SYNPO: variants seen among roughly 807,000 people sequenced by gnomAD.
SYNPO encodes the protein synaptopodin.
In SYNPO, 19 loss-of-function variants were observed where a neutral mutation model predicts 49.5. That is an observed-to-expected ratio of 0.38 (90% CI 0.27 to 0.56). SYNPO has a LOEUF of 0.56. Ranked by LOEUF, SYNPO falls within the 20% of genes least tolerant of loss-of-function variation. SYNPO has a pLI of 0.68. For synonymous variants in SYNPO, 536 were observed against 548.0 expected, an observed-to-expected ratio of 0.98 and a Z score of 0.31; for missense variants, 1,131 against 1,248.3, an observed-to-expected ratio of 0.91 and a Z score of 1.42.
At chr5:150,655,789 A>G (rs942156733) in intron 2 of SYNPO, among the ~76,000 whole-genome samples, 6 of 152,108 alleles carry the variant, frequency 3.9e-5, no homozygotes, top group Admixed American at 2.6e-4. Context: ...AGTAGCTGGG[A>G]CTACAGGCAC....
chr5:150,590,344 C>A, the SYNPO span, among the ~76,000 whole-genome samples: 1 of 152,242 alleles, frequency 6.6e-6, no homozygotes, highest in Non-Finnish European at 1.5e-5. Flanking sequence ...CACAGCCAGC[C>A]AAGCTGAAAA....
chr5:150,651,358 C>A (rs1013392307), intron 2 of SYNPO: 3 of 1,000,434 alleles, frequency 3.0e-6, no homozygotes, highest in Non-Finnish European at 3.6e-6. Flanking sequence ...CTTTGGGCCT[C>A]AGTTTTATCA....
At chr5:150,634,846 ACACACACACACACACAC>A (rs1474922341) in intron 2 of SYNPO, among the ~76,000 whole-genome samples, 2,609 of 115,154 alleles carry the variant, frequency 0.023, 81 homozygotes, top group African/African-American at 0.092. Flanking sequence ...ACACACACAC[ACACACACACACACACAC>A]CACACACACA....
chr5:150,656,335 C>A, intron 2 of SYNPO, 69 bp from the exon 3 acceptor site: 1 of 1,297,042 alleles, frequency 7.7e-7, no homozygotes, highest in Non-Finnish European at 1.1e-6. Flanking sequence ...GGACTCCGTC[C>A]CTTCCTAAAG....
At position 150,656,943 on chromosome 5, in the gene SYNPO, G is replaced by T; in HGVS notation, c.2568G>T (p.Thr856=). The T allele has an allele frequency of 6.3e-7, 1 of 1,583,218 alleles. No individual in the cohort carries two copies. ...PRPFLYRRSP[T]DSDVSLDSED... ...CCTTCCTCTACCGCCGCTCGCCCAC[G>T]GACTCCGACGTGTCCCTCGACTCCG... Residue 856 remains threonine (T), a synonymous_variant, in exon 3 of 3, where the codon ACG becomes ACT. Coordinates refer to ENST00000307662, the MANE Select transcript of SYNPO (RefSeq NM_007286.6).
Position 150,657,415 on chromosome 5 carries a change from T to TTCTCTCTC in SYNPO, c.*339_*346dup, listed in dbSNP as rs376731190. The TTCTCTCTC allele has an allele frequency of 2.4e-4, 47 of 192,322 alleles. No homozygotes were observed. The highest frequency in any genetic ancestry group is 1.0e-3 in the African/African-American group (36 of 36,030). The allele number at this position is 192,322 out of a possible 1,614,324, so 11.9% of individuals were successfully genotyped here. Reference sequence around the variant, plus strand: ...ACACCGATGCACACACACTCTCTCTTTCTCTCTCTCTCTCTCTCACACACA... The same window carrying TTCTCTCTC: ...ACACCGATGCACACACACTCTCTCTTTCTCTCTCTCTCTCTCTCTCTCTCTCACACACA... On this transcript the variant is annotated 3_prime_UTR_variant, in exon 3 of 3. Transcript: ENST00000307662.
Position 150,649,377 on chromosome 5 carries a change from G to T in SYNPO, c.1102G>T (p.Glu368Ter). ...TCCTGCCAGCAAGACGGGCATTCTG[G>T]AGGAGTCGATGGCCCGCCGGGGCAG... ...AVPASKTGIL[E>*]ESMARRGSRK... is the part of the protein sequence containing the mutation. The change falls in exon 2 of 3, where the codon GAG becomes TAG. Residue 368 changes from glutamate to a stop codon, truncating the protein, a stop_gained. Coordinates refer to ENST00000307662, the MANE Select transcript of SYNPO (RefSeq NM_007286.6). LOFTEE classifies it high-confidence loss of function. 1 of 1,614,196 alleles carries T rather than the reference G, an allele frequency of 6.2e-7. No homozygotes were observed. Among genetic ancestry groups the T allele is most frequent in the Non-Finnish European group, 8.5e-7 (1 of 1,180,040 alleles).
intron 1 of SYNPO, among the ~76,000 whole-genome samples, chr5:150,607,149 T>C (rs181871412): frequency 1.7e-3 from 260 of 152,280 alleles, no homozygotes; most frequent in South Asian, 3.5e-3. Context: ...AGGTCCTCCA[T>C]TGGGCTCAAA....
chr5:150,628,647 G>A (rs1367669306), intron 2 of SYNPO, among the ~76,000 whole-genome samples: 2 of 152,212 alleles, frequency 1.3e-5, no homozygotes, highest in Admixed American at 6.5e-5. Flanking sequence ...GGTGGCTCAC[G>A]CCTGTAATCC....
chr5:150,647,695 G>T (rs1045615353), intron 1 of SYNPO, among the ~76,000 whole-genome samples: 3 of 152,194 alleles, frequency 2.0e-5, no homozygotes, highest in African/African-American at 7.2e-5. Context: ...TCCAAATCAG[G>T]GACCAGTTAA....
At chr5:150,617,179 G>T (rs903680256) in intron 1 of SYNPO, among the ~76,000 whole-genome samples, 6 of 152,248 alleles carry the variant, frequency 3.9e-5, no homozygotes, top group African/African-American at 1.4e-4. Context: ...TTTTACAGAC[G>T]GGGAAGTGGA....
intron 1 of SYNPO, among the ~76,000 whole-genome samples, chr5:150,644,870 CAGG>C (rs1335063556): frequency 6.6e-6 from 1 of 152,060 alleles, no homozygotes; most frequent in African/African-American, 2.4e-5. Context: ...GTGATCCAGG[CAGG>C]AGAAGAGTCC....
chr5:150,592,546 A>G, the SYNPO span, among the ~76,000 whole-genome samples: 2 of 152,222 alleles, frequency 1.3e-5, no homozygotes, highest in Non-Finnish European at 2.9e-5. Context: ...ATCTGCAAGT[A>G]GGTTAAGAAC....
chr5:150,618,894 C>A, intron 2 of SYNPO: 3 of 1,204,938 alleles, frequency 2.5e-6, no homozygotes, highest in Middle Eastern at 2.0e-4. Flanking sequence ...CATGGGCATG[C>A]CCAGATTAAC....
the SYNPO span, among the ~76,000 whole-genome samples, chr5:150,594,557 T>C: frequency 6.6e-6 from 1 of 152,174 alleles, no homozygotes; most frequent in Non-Finnish European, 1.5e-5. Flanking sequence ...GTCAAATTCC[T>C]TCCCCTCTCC....
At chr5:150,614,365 G>T (rs1296821089) in intron 1 of SYNPO, among the ~76,000 whole-genome samples, 4 of 152,194 alleles carry the variant, frequency 2.6e-5, no homozygotes, top group African/African-American at 9.7e-5. Flanking sequence ...GAGCCCTGGG[G>T]TGTCTTGGCC....
exon 2 of SYNPO, chr5:150,618,706 C>A (rs753752929): frequency 1.9e-6 from 3 of 1,549,566 alleles, no homozygotes; most frequent in Non-Finnish European, 2.6e-6. Context: ...TAGTGAAGGC[C>A]GGGCAGATGA....
At chr5:150,589,799 G>C in the SYNPO span, among the ~76,000 whole-genome samples, 1 of 152,198 alleles carries the variant, frequency 6.6e-6, no homozygotes, top group African/African-American at 2.4e-5. Flanking sequence ...TCAAATGAGG[G>C]TTTATTCAGA....
At chr5:150,639,794 TGTG>T (rs763799372), upstream of SYNPO, among the ~76,000 whole-genome samples, 1 of 152,180 alleles carries the variant, frequency 6.6e-6, no homozygotes, top group Admixed American at 6.5e-5. Context: ...CAATGGAAGA[TGTG>T]GTGGGGACAA....
Sources: gnomAD v4.1 joint callset for allele counts (sites outside exome capture counted in the v4.1 genomes callset) on GRCh38, gnomAD v4.1.1 for gene constraint, MANE v1.5 for transcripts, NCBI Gene and HGNC (gene_info 2026-07-23, HGNC 2026-07-21) for gene names.